Variants in UGT2B4 observed in about 807,000 individuals in gnomAD.
UGT2B4 encodes UDP-glucuronosyltransferase 2B4.
A neutral mutation model predicts 49.8 loss-of-function variants in UGT2B4; 49 were observed. The ratio of observed to expected loss-of-function variants is 0.98; its 90% CI spans 0.78 to 1.25. The LOEUF (loss-of-function observed/expected upper bound fraction) is 1.25. Ranked by LOEUF, UGT2B4 falls within the 50% of genes most tolerant of loss-of-function variation. UGT2B4 has a pLI of 0.00. For missense variants in UGT2B4, 729 were observed against 627.7 expected (o/e 1.16, Z -1.73); for synonymous variants, 246 against 217.7 (o/e 1.13, Z -1.14).
intron 1 of UGT2B4, among the ~76,000 whole-genome samples, chr4:69,508,010 A>G (rs1196862857): frequency 6.6e-6 from 1 of 152,144 alleles, no homozygotes; most frequent in African/African-American, 2.4e-5. Context: ...CAAATTTACT[A>G]GAAAAAATTA....
upstream of UGT2B4, among the ~76,000 whole-genome samples, chr4:69,497,209 C>T (rs41299954): frequency 6.8e-3 from 1,031 of 152,280 alleles, 8 homozygotes; most frequent in African/African-American, 0.023. Flanking sequence ...AGGGACCTCC[C>T]TGATGCCAGC....
intron 1 of UGT2B4, among the ~76,000 whole-genome samples, chr4:69,525,101 C>G (rs1728950775): frequency 6.6e-6 from 1 of 152,086 alleles, no homozygotes; most frequent in African/African-American, 2.4e-5. Flanking sequence ...TTTTAATTTA[C>G]AGGAAAAATA....
chr4:69,502,670 T>C (rs571409933), intron 1 of UGT2B4, among the ~76,000 whole-genome samples: 2 of 152,222 alleles, frequency 1.3e-5, no homozygotes, highest in South Asian at 2.1e-4. Context: ...GCCAGAACTA[T>C]TGAGCTATTA....
At chr4:69,510,990 C>CTTT (rs113842049) in intron 1 of UGT2B4, among the ~76,000 whole-genome samples, 1 of 105,892 alleles carries the variant, frequency 9.4e-6, no homozygotes, top group African/African-American at 3.9e-5. Context: ...TTCTTTTCTT[C>CTTT]TTTTTTTTTT....
intron 1 of UGT2B4, among the ~76,000 whole-genome samples, chr4:69,516,531 G>T (rs938514324): frequency 1.3e-5 from 2 of 152,130 alleles, no homozygotes; most frequent in Non-Finnish European, 2.9e-5. Flanking sequence ...CATTCTGACT[G>T]GTGTGAGATG....
At chr4:69,524,976 G>T (rs137973162) in intron 1 of UGT2B4, among the ~76,000 whole-genome samples, 187 of 152,314 alleles carry the variant, frequency 1.2e-3, no homozygotes, top group African/African-American at 4.4e-3. Context: ...ATGGTATTTA[G>T]AAAGCATTCC....
At chr4:69,509,599 G>C (rs540835490) in intron 1 of UGT2B4, among the ~76,000 whole-genome samples, 1 of 152,198 alleles carries the variant, frequency 6.6e-6, no homozygotes, top group South Asian at 2.1e-4. Context: ...TAATTATATT[G>C]AGCATTTTAT....
At chr4:69,493,173 C>T (rs1478550637) in intron 2 of UGT2B4, among the ~76,000 whole-genome samples, 3 of 152,030 alleles carry the variant, frequency 2.0e-5, no homozygotes, top group Non-Finnish European at 4.4e-5. Flanking sequence ...ATTCTTTTAC[C>T]TATTCCTGCA....
Position 69,493,703 on chromosome 4 carries a change from G to A in UGT2B4, c.860C>T (p.Pro287Leu). The change falls in exon 2 of 6, where the codon CCC (proline) becomes CTC (leucine). Residue 287 changes from proline (P) to leucine (L), a missense_variant. By Grantham distance (98) the Pro-to-Leu change is moderately conservative. Coordinates refer to ENST00000305107, the MANE Select transcript of UGT2B4 (RefSeq NM_021139.3). ...VGGLHCKPAK[P>L]LPKEMEEFVQ... ...ACAGTAATAGTTTACCTTCGGTAGGGGTTTGGCAGGTTTGCAGTGGAGTCC... is the reference window on the plus strand; with the variant it reads ...ACAGTAATAGTTTACCTTCGGTAGGAGTTTGGCAGGTTTGCAGTGGAGTCC... 1 of 1,607,230 alleles carries A rather than the reference G, an allele frequency of 6.2e-7. No individual in the cohort carries two copies. The highest frequency in any genetic ancestry group is 8.5e-7 in the Non-Finnish European group (1 of 1,177,716).
intron 5 of UGT2B4, 118 bp downstream of exon 5, chr4:69,485,090 T>C: frequency 3.9e-6 from 5 of 1,287,200 alleles, no homozygotes; most frequent in Non-Finnish European, 4.3e-6. Flanking sequence ...TTCAGATTGT[T>C]TAAATCACTT....
chr4:69,509,849 T>G (rs1161841254), intron 1 of UGT2B4, among the ~76,000 whole-genome samples: 1 of 152,156 alleles, frequency 6.6e-6, no homozygotes, highest in Non-Finnish European at 1.5e-5. Flanking sequence ...AGAATATTTT[T>G]TTTTTGTTTC....
At chr4:69,513,620 G>A (rs1728661078) in intron 1 of UGT2B4, among the ~76,000 whole-genome samples, 1 of 152,100 alleles carries the variant, frequency 6.6e-6, no homozygotes, top group Non-Finnish European at 1.5e-5. Context: ...TACAGTGCAA[G>A]TGATAGTTTA....
intron 2 of UGT2B4, among the ~76,000 whole-genome samples, chr4:69,492,849 T>G (rs1227303414): frequency 6.6e-6 from 1 of 152,104 alleles, no homozygotes; most frequent in Non-Finnish European, 1.5e-5. Context: ...ATCTGCTACC[T>G]GAATTCATAC....
Position 69,495,645 on chromosome 4 carries a change from T to G in UGT2B4, c.217A>C (p.Lys73Gln). The G allele has an allele frequency of 6.2e-7, 1 of 1,613,986 alleles. No homozygotes were observed. The highest frequency in any genetic ancestry group is 8.5e-7 in the Non-Finnish European group (1 of 1,179,968). Residue 73 changes from lysine to glutamine, a missense_variant, in exon 1 of 6, where the codon AAA (lysine) becomes CAA (glutamine). Coordinates refer to ENST00000305107, the MANE Select transcript of UGT2B4 (RefSeq NM_021139.3). ...AAAGATACAGGATAAACTTCAAATT[T>G]AAGAGTAGATGGGCTGTTGGGATCG... ...SFDPNSPSTL[K>Q]FEVYPVSLTK... is the part of the protein sequence containing the mutation.
upstream of UGT2B4, among the ~76,000 whole-genome samples, chr4:69,500,606 G>GAACA (rs1728282840): frequency 1.0e-5 from 1 of 99,510 alleles, no homozygotes; most frequent in Non-Finnish European, 2.0e-5. Context: ...AGAAAGCAAG[G>GAACA]AAGAAAGAAA....
At chr4:69,505,230 C>T (rs1177246245) in intron 1 of UGT2B4, among the ~76,000 whole-genome samples, 2 of 151,992 alleles carry the variant, frequency 1.3e-5, no homozygotes, top group Non-Finnish European at 2.9e-5. Flanking sequence ...TCAATATTAA[C>T]CTTAAATGTA....
Position 69,495,783 on chromosome 4 carries a change from G to C in UGT2B4, c.79C>G (p.Leu27Val), listed in dbSNP as rs766283290. 6.2e-7 allele frequency: 1 copy of C among 1,613,808 alleles called. No homozygotes were observed. Among genetic ancestry groups the C allele is most frequent in the Non-Finnish European group, 8.5e-7 (1 of 1,179,864 alleles). ...TGGCTGAATTCTGTGGGCCACACCA[G>C]CACCTTTCCACAACTCCCAGAGCTA... is the stretch of plus-strand genomic sequence containing the variant. The part of the protein sequence containing the change: ...YFSSGSCGKV[L>V]VWPTEFSHWM... Residue 27 changes from leucine (L) to valine (V), a missense_variant, in exon 1 of 6, where the codon CTG becomes GTG. Coordinates refer to ENST00000305107, the MANE Select transcript of UGT2B4 (RefSeq NM_021139.3).
intron 1 of UGT2B4, among the ~76,000 whole-genome samples, chr4:69,501,265 A>T (rs763375574): frequency 2.9e-4 from 44 of 151,652 alleles, no homozygotes; most frequent in Non-Finnish European, 4.1e-4. Flanking sequence ...GGTGGAAGGA[A>T]TCCCTCAGCT....
In UGT2B4 at chr4:69,525,620, A is replaced by G. The variant is rs1728963065; in HGVS notation, c.-106+67T>C. ...ATATGGGTTAGACAATAGATTATCT[A>G]CTCAGGTATCTATGCACCTGCCATT... On this transcript the variant is annotated intron_variant, in intron 1 of 1. Transcript: ENST00000510114. 3 of 1,028,326 alleles carry G rather than the reference A, an allele frequency of 2.9e-6. No individual in the cohort carries two copies. In the African/African-American group the frequency reaches 5.1e-5, roughly 18 times the overall value. The allele number at this position is 1,028,326 out of a possible 1,614,324, so 63.7% of individuals were successfully genotyped here. A position where few individuals can be genotyped will look rare whatever the true frequency, so the allele number is the denominator to read the frequency against.
Sources: gnomAD v4.1 joint callset for allele counts (sites outside exome capture counted in the v4.1 genomes callset) on GRCh38, gnomAD v4.1.1 for gene constraint, MANE v1.5 for transcripts, NCBI Gene and HGNC (gene_info 2026-07-23, HGNC 2026-07-21) for gene names.